The following RAMP1 variants were observed in gnomAD, a reference collection of about 807,000 sequenced individuals.
The protein encoded by RAMP1 is receptor activity-modifying protein 1.
RAMP1 carries 7 observed loss-of-function variants against 8.2 expected under a neutral mutation model. The observed-to-expected ratio is 0.85, with a 90% CI of 0.49 to 1.60. The LOEUF is 1.60. Ranked by LOEUF, RAMP1 falls within the 40% of genes most tolerant of loss-of-function variation. The pLI is 0.00. For synonymous variants in RAMP1, 92 were observed against 84.7 expected (o/e 1.09, Z -0.47); for missense variants, 192 against 202.4 (o/e 0.95, Z 0.31).
Position 237,898,738 on chromosome 2 carries a change from G to A in RAMP1, c.192-12790G>A, listed in dbSNP as rs541053191. Among the ~76,000 whole-genome samples the A allele has an allele frequency of 2.0e-3, 302 of 152,352 alleles. 2 individuals carry two copies. The highest frequency in any genetic ancestry group is 6.7e-3 in the African/African-American group (278 of 41,588). ...AGACGTAGGTGGGAAGCTACACTGC[G>A]TGGGCTTTCACATCCCCAGGGCCCG... On this transcript the variant is annotated intron_variant, in intron 2 of 2. Transcript: ENST00000254661.
intron 2 of RAMP1, among the ~76,000 whole-genome samples, chr2:237,907,417 C>G (rs1388890312): frequency 1.3e-5 from 2 of 152,112 alleles, no homozygotes; most frequent in East Asian, 3.8e-4. Flanking sequence ...ATTCCCTCTC[C>G]TCTTTCTGGG....
intron 1 of RAMP1, chr2:237,870,041 C>T (rs1471864897): frequency 3.9e-5 from 6 of 152,218 alleles, no homozygotes; most frequent in African/African-American, 9.6e-5. Flanking sequence ...CGATGGTAGC[C>T]GTTCTAACGG....
intron 1 of RAMP1, among the ~76,000 whole-genome samples, chr2:237,872,768 T>C (rs1441317291): frequency 6.6e-6 from 1 of 152,242 alleles, no homozygotes; most frequent in Admixed American, 6.5e-5. Context: ...GGCTCACGCC[T>C]GTAATCCCAG....
intron 2 of RAMP1, among the ~76,000 whole-genome samples, chr2:237,910,729 C>T (rs1170948926): frequency 6.6e-6 from 1 of 151,378 alleles, no homozygotes; most frequent in Non-Finnish European, 1.5e-5. Flanking sequence ...CAGAGAATAA[C>T]AGTAACACAC....
intron 2 of RAMP1, among the ~76,000 whole-genome samples, chr2:237,884,158 G>A (rs1391990642): frequency 1.3e-5 from 2 of 152,072 alleles, no homozygotes; most frequent in African/African-American, 4.8e-5. Context: ...AACACGTGTT[G>A]GGTGTCTTCC....
At chr2:237,885,427 C>G (rs897775676) in intron 2 of RAMP1, among the ~76,000 whole-genome samples, 1 of 152,260 alleles carries the variant, frequency 6.6e-6, no homozygotes, top group Non-Finnish European at 1.5e-5. Context: ...TCTGGGGCTG[C>G]CTCGGTGCCC....
At chr2:237,909,059 G>T (rs1202319653) in intron 2 of RAMP1, among the ~76,000 whole-genome samples, 2 of 152,156 alleles carry the variant, frequency 1.3e-5, no homozygotes, top group Non-Finnish European at 1.5e-5. Context: ...TGCCCTAGAG[G>T]CACTCAGGCT....
Position 237,878,963 on chromosome 2 carries a change from C to T in RAMP1, c.191+1601C>T, listed in dbSNP as rs968786435. On this transcript the variant is annotated intron_variant, in intron 2 of 2. Coordinates refer to ENST00000254661, the MANE Select transcript of RAMP1 (RefSeq NM_005855.4). This position sits in a 1 kb window ranked among gnomAD's most constrained non-coding sequence, Gnocchi z 5.7. ...GCCCACCCCAACCCTCTGGGGTCTCCAGGGGCCCTGTGCCCTCAGCAGGGT... is the reference window on the plus strand; with the variant it reads ...GCCCACCCCAACCCTCTGGGGTCTCTAGGGGCCCTGTGCCCTCAGCAGGGT... 1.5e-4 allele frequency among the ~76,000 whole-genome samples: 23 copies of T among 152,316 alleles called. No individual in the cohort carries two copies. Among genetic ancestry groups the T allele is most frequent in the African/African-American group, 5.1e-4 (21 of 41,572 alleles).
rs374146260 is a variant in RAMP1, at chr2:237,904,287, C to T, written c.192-7241C>T. Among the ~76,000 whole-genome samples the T allele has an allele frequency of 8.1e-4, 121 of 149,432 alleles. No homozygotes were observed. The East Asian group carries it at 0.02, about 25-fold the overall frequency. ...AAAAAAAATAGCCAGGGCGTGGTGG[C>T]GGGCACCTGTAGTCCCAGCTACTCG... On this transcript the variant is annotated intron_variant, in intron 2 of 2. Transcript: ENST00000254661.
chr2:237,866,995 C>T (rs981239400), intron 1 of RAMP1, among the ~76,000 whole-genome samples: 1 of 152,152 alleles, frequency 6.6e-6, no homozygotes, highest in Non-Finnish European at 1.5e-5. Context: ...TCCCGAAGTG[C>T]TGGGATTACA....
At chr2:237,891,723 C>A (rs1476108331) in intron 2 of RAMP1, among the ~76,000 whole-genome samples, 2 of 152,166 alleles carry the variant, frequency 1.3e-5, no homozygotes, top group African/African-American at 4.8e-5. Context: ...TTAATCCCCA[C>A]CAAAACAACC....
rs369223632 is a variant in RAMP1, at chr2:237,877,333, G to A, written c.162G>A (p.Thr54=). ...FQVDMEAVGE[T]LWCDWGRTIR... Reference sequence around the variant, plus strand: ...TAGACATGGAGGCCGTCGGGGAGACGCTGTGGTGTGACTGGGGCAGGACCA... The same window carrying A: ...TAGACATGGAGGCCGTCGGGGAGACACTGTGGTGTGACTGGGGCAGGACCA... The change falls in exon 2 of 3, where the codon ACG becomes ACA. Residue 54 remains threonine, a synonymous_variant. Transcript: ENST00000254661. This position sits in a 1 kb window ranked among gnomAD's most constrained non-coding sequence, Gnocchi z 4.4. 25 of 1,613,566 alleles carry A rather than the reference G, an allele frequency of 1.5e-5. No homozygotes were observed. The highest frequency in any genetic ancestry group is 1.9e-5 in the Non-Finnish European group (22 of 1,179,864).
intron 2 of RAMP1, among the ~76,000 whole-genome samples, chr2:237,900,653 A>G (rs2062587950): frequency 6.6e-6 from 1 of 152,194 alleles, no homozygotes; most frequent in Admixed American, 6.5e-5. Context: ...ATTTGTACAT[A>G]TAGTATTGCC....
chr2:237,881,280 G>A (rs140117195), intron 2 of RAMP1, among the ~76,000 whole-genome samples: 12 of 152,180 alleles, frequency 7.9e-5, no homozygotes, highest in East Asian at 3.8e-4. Context: ...GTACTCCGCC[G>A]TGCAGAGTCT....
chr2:237,881,998 T>C (rs1260251407), intron 2 of RAMP1, among the ~76,000 whole-genome samples: 2 of 118,256 alleles, frequency 1.7e-5, no homozygotes, highest in Non-Finnish European at 3.4e-5. Flanking sequence ...CGTTTTCCTC[T>C]AGCCTGTGTG....
chr2:237,902,140 G>A (rs1290559839), intron 2 of RAMP1, among the ~76,000 whole-genome samples: 5 of 152,076 alleles, frequency 3.3e-5, no homozygotes, highest in Admixed American at 1.3e-4. Flanking sequence ...GGAGCACTTC[G>A]CGGGGGATGC....
chr2:237,887,277 G>T (rs1423988529), intron 2 of RAMP1, among the ~76,000 whole-genome samples: 2 of 152,300 alleles, frequency 1.3e-5, no homozygotes, highest in Non-Finnish European at 1.5e-5. Flanking sequence ...TCATCACTCA[G>T]ATGGTAGACA....
chr2:237,877,010 G>A lies in RAMP1; in HGVS notation c.53-214G>A, dbSNP rs951462371. Among the ~76,000 whole-genome samples the A allele has an allele frequency of 6.6e-6, 1 of 152,208 alleles. No homozygotes were observed. Among genetic ancestry groups the A allele is most frequent in the African/African-American group, 2.4e-5 (1 of 41,458 alleles). ...TGGCCCAAGCTGGCACGGGCACTGA[G>A]GGCCAAGCCACCCTTAGCAGGCAGG... On this transcript the variant is annotated intron_variant, in intron 1 of 2. Transcript: ENST00000254661. The surrounding 1 kb of genome is among the most constrained non-coding windows in gnomAD (Gnocchi z 4.4).
chr2:237,898,616 A>G (rs1021859877), intron 2 of RAMP1, among the ~76,000 whole-genome samples: 3 of 152,190 alleles, frequency 2.0e-5, no homozygotes, highest in African/African-American at 7.2e-5. Context: ...ACATTTCCCC[A>G]GTGTCAAGAA....
Sources: gnomAD v4.1 joint callset for allele counts (sites outside exome capture counted in the v4.1 genomes callset) on GRCh38, gnomAD v4.1.1 for gene constraint, Gnocchi (gnomAD v3.1) non-coding constraint, MANE v1.5 for transcripts, NCBI Gene and HGNC (gene_info 2026-07-23, HGNC 2026-07-21) for gene names.